PRKG1: variants seen among roughly 807,000 people sequenced by gnomAD.
PRKG1 encodes cGMP-dependent protein kinase 1.
Under a neutral mutation model 88.1 loss-of-function variants are expected in PRKG1, and 35 were observed. The ratio of observed to expected loss-of-function variants is 0.40; its 90% CI spans 0.30 to 0.53. The LOEUF is 0.53. PRKG1 is among the 20% of genes least tolerant of loss of function. PRKG1 has a pLI of 0.59. For missense variants in PRKG1, 540 were observed against 839.8 expected, an observed-to-expected ratio of 0.64 and a Z score of 4.41; for synonymous variants, 303 against 292.5, an observed-to-expected ratio of 1.04 and a Z score of -0.37.
intron 7 of PRKG1, among the ~76,000 whole-genome samples, chr10:52,111,619 A>C (rs1481167288): frequency 6.6e-6 from 1 of 152,166 alleles, no homozygotes. Context: ...AATCCTATCT[A>C]ATTTTAGTCT....
intron 4 of PRKG1, among the ~76,000 whole-genome samples, chr10:51,852,409 A>G (rs73331401): frequency 0.048 from 7,306 of 151,774 alleles, 618 homozygotes; most frequent in African/African-American, 0.17. Flanking sequence ...ACAGAGGTAG[A>G]GGTGAATAAC....
intron 1 of PRKG1, among the ~76,000 whole-genome samples, chr10:50,998,978 A>G (rs758921081): frequency 5.3e-5 from 8 of 152,214 alleles, no homozygotes; most frequent in Non-Finnish European, 8.8e-5. Flanking sequence ...TTATTGATGG[A>G]TCACCAACTT....
intron 5 of PRKG1, among the ~76,000 whole-genome samples, chr10:51,991,315 A>G (rs963224875): frequency 5.9e-5 from 9 of 151,728 alleles, no homozygotes; most frequent in Middle Eastern, 3.4e-3. Context: ...CCAATTTGAT[A>G]CTCTTTATCT....
At chr10:51,281,578 A>C (rs1453240608) in intron 2 of PRKG1, among the ~76,000 whole-genome samples, 1 of 152,174 alleles carries the variant, frequency 6.6e-6, no homozygotes, top group African/African-American at 2.4e-5. Flanking sequence ...GGTGGAGCCC[A>C]CTGCAGCTCA....
intron 1 of PRKG1, among the ~76,000 whole-genome samples, chr10:51,067,201 T>A (rs1564586960): frequency 6.6e-6 from 1 of 151,664 alleles, no homozygotes. Context: ...TAGGATGGGA[T>A]GTTAAGCCAT....
chr10:51,701,873 G>T (rs1841477801), intron 3 of PRKG1, among the ~76,000 whole-genome samples: 1 of 152,150 alleles, frequency 6.6e-6, no homozygotes, highest in Admixed American at 6.5e-5. Flanking sequence ...ACCACCTTGA[G>T]CCATGGCTTG....
At chr10:51,395,969 G>A (rs1837566218) in intron 2 of PRKG1, among the ~76,000 whole-genome samples, 1 of 152,148 alleles carries the variant, frequency 6.6e-6, no homozygotes. Context: ...CAGGTCATAT[G>A]AAATTATATG....
chr10:51,323,929 G>A (rs1300634713), intron 2 of PRKG1, among the ~76,000 whole-genome samples: 2 of 152,178 alleles, frequency 1.3e-5, no homozygotes, highest in South Asian at 2.1e-4. Context: ...TCCAGTCTGG[G>A]TGACAAAGCA....
At chr10:51,314,886 C>T (rs1841281042) in intron 2 of PRKG1, among the ~76,000 whole-genome samples, 1 of 152,188 alleles carries the variant, frequency 6.6e-6, no homozygotes, top group Non-Finnish European at 1.5e-5. Context: ...TTCTGCAATT[C>T]TAACTGTATG....
chr10:52,279,126 CA>C (rs1381847487), intron 12 of PRKG1, among the ~76,000 whole-genome samples: 1 of 152,056 alleles, frequency 6.6e-6, no homozygotes, highest in Non-Finnish European at 1.5e-5. Flanking sequence ...CTACTCTTGA[CA>C]GGTAAACATA....
intron 3 of PRKG1, among the ~76,000 whole-genome samples, chr10:51,574,270 C>T (rs185903571): frequency 6.6e-6 from 1 of 151,662 alleles, no homozygotes; most frequent in Non-Finnish European, 1.5e-5. Flanking sequence ...TGAAAGGAGA[C>T]AAAAAATGAT....
intron 2 of PRKG1, among the ~76,000 whole-genome samples, chr10:51,277,717 C>T (rs1401682868): frequency 3.3e-5 from 5 of 152,150 alleles, no homozygotes; most frequent in Admixed American, 1.3e-4. Context: ...CTCTTTGAAG[C>T]AATTGTGAAT....
chr10:51,425,341 A>T (rs751167911), intron 2 of PRKG1, among the ~76,000 whole-genome samples: 1 of 152,182 alleles, frequency 6.6e-6, no homozygotes, highest in Non-Finnish European at 1.5e-5. Flanking sequence ...TCGGTAATCA[A>T]TGTTTTGTCT....
At chr10:51,827,175 C>G (rs1289860341) in intron 4 of PRKG1, among the ~76,000 whole-genome samples, 1 of 152,032 alleles carries the variant, frequency 6.6e-6, no homozygotes, top group African/African-American at 2.4e-5. Flanking sequence ...GGATGATTGC[C>G]CTAAATATTC....
At chr10:52,232,720 AC>A (rs1008431378) in intron 9 of PRKG1, among the ~76,000 whole-genome samples, 3 of 152,110 alleles carry the variant, frequency 2.0e-5, no homozygotes, top group African/African-American at 7.2e-5. Flanking sequence ...AGGAGGGACA[AC>A]CCCTCCCTAT....
chr10:51,931,466 T>A (rs1355782509), intron 5 of PRKG1, among the ~76,000 whole-genome samples: 1 of 152,028 alleles, frequency 6.6e-6, no homozygotes, highest in Non-Finnish European at 1.5e-5. Flanking sequence ...AATAAAAATC[T>A]AAAATGAAAT....
intron 9 of PRKG1, among the ~76,000 whole-genome samples, chr10:52,209,564 G>T (rs1419218366): frequency 6.6e-6 from 1 of 152,132 alleles, no homozygotes; most frequent in Non-Finnish European, 1.5e-5. Flanking sequence ...AATATCAAAG[G>T]AGTTTTAGAA....
intron 2 of PRKG1, among the ~76,000 whole-genome samples, chr10:51,180,634 G>C (rs1288581742): frequency 1.3e-5 from 2 of 152,122 alleles, no homozygotes; most frequent in African/African-American, 4.8e-5. Flanking sequence ...ATTTCACCCT[G>C]CCTGCTTGCG....
At chr10:52,029,078 T>C (rs1267095219) in intron 5 of PRKG1, among the ~76,000 whole-genome samples, 1 of 152,206 alleles carries the variant, frequency 6.6e-6, no homozygotes, top group Non-Finnish European at 1.5e-5. Context: ...CCCAAGGTGG[T>C]GCTTCTAGTT....
Sources: allele counts gnomAD v4.1 joint callset (sites outside exome capture counted in the v4.1 genomes callset), GRCh38; gene constraint gnomAD v4.1.1; transcripts MANE v1.5; gene names NCBI Gene and HGNC (gene_info 2026-07-23, HGNC 2026-07-21).